HCRTR2: variants seen among roughly 807,000 people sequenced by gnomAD.
The protein encoded by HCRTR2 is orexin receptor type 2.
In HCRTR2, 22 loss-of-function variants were observed where a neutral mutation model predicts 49.0. The ratio of observed to expected loss-of-function variants is 0.45; its 90% CI spans 0.32 to 0.64. The LOEUF is 0.64. Among genes scored for constraint, HCRTR2 ranks in the 30% least tolerant of loss-of-function variants. The pLI, the probability that HCRTR2 is intolerant of heterozygous loss-of-function variation, is 0.04. For missense variants in HCRTR2, 491 were observed against 559.4 expected (o/e 0.88, Z 1.23); for synonymous variants, 236 against 205.3 (o/e 1.15, Z -1.28).
At chr6:55,269,619 A>C (rs937709207) in intron 4 of HCRTR2, among the ~76,000 whole-genome samples, 1 of 152,220 alleles carries the variant, frequency 6.6e-6, no homozygotes, top group Non-Finnish European at 1.5e-5. Flanking sequence ...AAATAGCATC[A>C]AAATTAATCA....
upstream of HCRTR2, among the ~76,000 whole-genome samples, chr6:55,170,676 T>G (rs1334627066): frequency 6.6e-6 from 1 of 151,796 alleles, no homozygotes; most frequent in African/African-American, 2.4e-5. Context: ...GTTGGTGTGC[T>G]GCACCCATTA....
chr6:55,274,056 A>G (rs370515920), intron 4 of HCRTR2, among the ~76,000 whole-genome samples: 25 of 151,642 alleles, frequency 1.6e-4, no homozygotes, highest in Admixed American at 4.6e-4. Flanking sequence ...AATTAAAATT[A>G]GTACTTTCAT....
intron 1 of HCRTR2, among the ~76,000 whole-genome samples, chr6:55,204,715 T>C (rs1376324831): frequency 6.6e-6 from 1 of 152,132 alleles, no homozygotes; most frequent in Non-Finnish European, 1.5e-5. Flanking sequence ...CCTAAGCAAG[T>C]GGAAACTTAG....
At chr6:55,259,750 T>C (rs1195437153) in intron 3 of HCRTR2, among the ~76,000 whole-genome samples, 1 of 152,014 alleles carries the variant, frequency 6.6e-6, no homozygotes, top group Non-Finnish European at 1.5e-5. Flanking sequence ...TTAAAACTTT[T>C]TTAAATTAAA....
Position 55,149,406 on chromosome 6 carries a change from G to A in HCRTR2, c.-377-24805G>A, listed in dbSNP as rs1231774901. 5.1e-4 allele frequency among the ~76,000 whole-genome samples: 78 copies of A among 152,064 alleles called. 2 individuals are homozygous for A. Among genetic ancestry groups the A allele is most frequent in the Admixed American group, 5.1e-3 (78 of 15,244 alleles). On this transcript the variant is annotated intron_variant, in intron 1 of 7. Coordinates refer to the HCRTR2 transcript ENST00000615358. ...TGGCCACTCTTTCCAACAAGTGAAAGTGGACACAACTGTGGGTAAAAAGTG... is the reference window on the plus strand; with the variant it reads ...TGGCCACTCTTTCCAACAAGTGAAAATGGACACAACTGTGGGTAAAAAGTG...
At chr6:55,208,323 AAAAT>A (rs1205184842) in intron 1 of HCRTR2, among the ~76,000 whole-genome samples, 2 of 148,652 alleles carry the variant, frequency 1.3e-5, no homozygotes, top group Non-Finnish European at 3.0e-5. Context: ...GAAAAATAAA[AAAAT>A]AAAAAAAAAA....
At chr6:55,121,615 A>G (rs1163177586) in intron 1 of HCRTR2, among the ~76,000 whole-genome samples, 4 of 152,084 alleles carry the variant, frequency 2.6e-5, no homozygotes, top group African/African-American at 9.7e-5. Flanking sequence ...AATAGCTCTT[A>G]TTATTTTGAG....
At chr6:55,144,232 C>G (rs1004706478) in intron 1 of HCRTR2, among the ~76,000 whole-genome samples, 2 of 151,352 alleles carry the variant, frequency 1.3e-5, no homozygotes, top group Non-Finnish European at 2.9e-5. Context: ...CTTGCCTCAG[C>G]CTTCCGAGTA....
intron 2 of HCRTR2, among the ~76,000 whole-genome samples, chr6:55,249,578 T>C (rs866067576): frequency 1.3e-5 from 2 of 152,146 alleles, no homozygotes; most frequent in Non-Finnish European, 2.9e-5. Flanking sequence ...ATAAAAACAG[T>C]ATATTCTCAA....
intron 1 of HCRTR2, among the ~76,000 whole-genome samples, chr6:55,202,749 G>A (rs111995472): frequency 3.5e-5 from 3 of 86,834 alleles, no homozygotes; most frequent in African/African-American, 1.1e-4. Context: ...TAGGGATTAG[G>A]TTTCAACAAA....
chr6:55,113,218 G>A (rs1407165782), intron 1 of HCRTR2, among the ~76,000 whole-genome samples: 1 of 152,020 alleles, frequency 6.6e-6, no homozygotes, highest in Admixed American at 6.6e-5. Flanking sequence ...CATTGGCTTA[G>A]GCAAAGACTT....
chr6:55,194,731 T>C (rs1444217614), intron 1 of HCRTR2, among the ~76,000 whole-genome samples: 1 of 152,068 alleles, frequency 6.6e-6, no homozygotes, highest in Non-Finnish European at 1.5e-5. Context: ...TTTCTATGAG[T>C]TTGGTATTTA....
In HCRTR2 at chr6:55,130,391, T is replaced by G. The variant is rs971408009; in HGVS notation, c.-378+23846T>G. On this transcript the variant is annotated intron_variant, in intron 1 of 7. Transcript: ENST00000615358. ...AACCTTTTTTTTGTTGTTTTGTTTT[T>G]TTTTTCATTTTCTTCTCCTTCATTC... 4.6e-5 allele frequency among the ~76,000 whole-genome samples: 7 copies of G among 151,664 alleles called. No homozygotes were observed. The South Asian group carries it at 6.2e-4, about 13-fold the overall frequency.
Position 55,248,619 on chromosome 6 carries a change from C to T in HCRTR2, c.224-20C>T, listed in dbSNP as rs190796335. 7.5e-5 allele frequency: 121 copies of T among 1,604,226 alleles called. No individual in the cohort carries two copies. In the African/African-American group the frequency reaches 1.3e-3, roughly 18 times the overall value. ...CTATTTTCTTTGTTGAGTGCCTATT[C>T]CTTTTTCTTTTCAAATTAGTTTGTG... On this transcript the variant is annotated intron_variant, in intron 1 of 6. Transcript: ENST00000370862.
chr6:55,269,290 T>A (rs1172029470), intron 4 of HCRTR2, among the ~76,000 whole-genome samples: 1 of 152,124 alleles, frequency 6.6e-6, no homozygotes. Flanking sequence ...AAGACAAGTA[T>A]GTCTGCTACA....
At chr6:55,251,579 T>C (rs896808671) in intron 2 of HCRTR2, among the ~76,000 whole-genome samples, 36 of 151,714 alleles carry the variant, frequency 2.4e-4, no homozygotes, top group African/African-American at 8.5e-4. Flanking sequence ...AGAAGCCAAG[T>C]GAGATGTGGG....
At chr6:55,213,592 G>T (rs1292557263) in intron 1 of HCRTR2, among the ~76,000 whole-genome samples, 1 of 152,170 alleles carries the variant, frequency 6.6e-6, no homozygotes, top group Non-Finnish European at 1.5e-5. Context: ...AGAGCCAGCA[G>T]AAAATTTGTT....
At chr6:55,207,151 T>C (rs1486761469) in intron 1 of HCRTR2, among the ~76,000 whole-genome samples, 3 of 152,162 alleles carry the variant, frequency 2.0e-5, no homozygotes, top group Non-Finnish European at 4.4e-5. Flanking sequence ...CTCGTTGCTA[T>C]GCATTGTAGC....
intron 1 of HCRTR2, among the ~76,000 whole-genome samples, chr6:55,112,593 G>T (rs1490714822): frequency 6.6e-6 from 1 of 150,572 alleles, no homozygotes; most frequent in Non-Finnish European, 1.5e-5. Context: ...AACCAAGGAG[G>T]TGAAATACTT....
Sources: allele counts gnomAD v4.1 joint callset (sites outside exome capture counted in the v4.1 genomes callset), GRCh38; gene constraint gnomAD v4.1.1; transcripts MANE v1.5; gene names NCBI Gene and HGNC (gene_info 2026-07-23, HGNC 2026-07-21).